NCKAP5: variants seen among roughly 807,000 people sequenced by gnomAD.
NCKAP5 encodes the protein NCK associated protein 5.
NCKAP5 carries 92 observed loss-of-function variants against 167.0 expected under a neutral mutation model. The ratio of observed to expected loss-of-function variants is 0.55; its 90% CI spans 0.47 to 0.66. The LOEUF (loss-of-function observed/expected upper bound fraction) is 0.66. Ranked by LOEUF, NCKAP5 falls within the 30% of genes least tolerant of loss-of-function variation. The probability of loss-of-function intolerance (pLI) is 0.00; values close to 1 mark genes in which losing one functional copy is unlikely to be tolerated. For synonymous variants in NCKAP5, 891 were observed against 877.4 expected (o/e 1.02, Z -0.27); for missense variants, 2,378 against 2,315.0 (o/e 1.03, Z -0.56).
the NCKAP5 span, among the ~76,000 whole-genome samples, chr2:133,618,865 T>C: frequency 7.3e-6 from 1 of 137,062 alleles, no homozygotes; most frequent in South Asian, 2.7e-4. Flanking sequence ...CGTATGTTTA[T>C]TGCGGCATTA....
intron 19 of NCKAP5, among the ~76,000 whole-genome samples, chr2:132,717,751 T>C (rs1402327226): frequency 2.0e-5 from 3 of 152,350 alleles, no homozygotes; most frequent in East Asian, 3.9e-4. Context: ...ATTTGTTGAA[T>C]GTAATCACCT....
In NCKAP5 at chr2:132,785,286, C is replaced by A. The variant is rs201204573; in HGVS notation, c.1525G>T (p.Asp509Tyr). 1.2e-6 allele frequency: 2 copies of A among 1,600,650 alleles called. No homozygotes were observed. Among genetic ancestry groups the A allele is most frequent in the Admixed American group, 1.7e-5 (1 of 58,790 alleles). Residue 509 changes from aspartate (D) to tyrosine (Y), a missense_variant, in exon 14 of 20, where the codon GAC becomes TAC. By Grantham distance (160) the Asp-to-Tyr change is radical (BLOSUM62 -3). Transcript: ENST00000409261. The stretch of plus-strand genomic sequence containing the variant: ...TTTGTCTCCCAGCCAAACAGACTGT[C>A]GGAAACACTGTGGGTTAATTTACTG... ...HGSKLTHSVS[D>Y]SLFGWETNRK...
At chr2:132,762,216 C>A (rs1376279292) in intron 16 of NCKAP5, among the ~76,000 whole-genome samples, 2 of 149,856 alleles carry the variant, frequency 1.3e-5, no homozygotes, top group Non-Finnish European at 3.0e-5. Flanking sequence ...CAGGCCAGTG[C>A]CCAGCATATA....
Position 133,252,489 on chromosome 2 carries a change from G to A in NCKAP5, c.144-38710C>T, listed in dbSNP as rs189065664. Among the ~76,000 whole-genome samples the A allele has an allele frequency of 1.8e-3, 268 of 152,258 alleles. 1 individual carries two copies. The highest frequency in any genetic ancestry group is 6.2e-3 in the African/African-American group (256 of 41,538). ...CTCATAGACATCCTACCATTGGCTG[G>A]AGCTGGGTCCCCTCAGCAGCACAGG... On this transcript the variant is annotated intron_variant, in intron 4 of 19. Transcript: ENST00000409261.
At chr2:133,287,671 T>C (rs932241039) in intron 4 of NCKAP5, among the ~76,000 whole-genome samples, 3 of 152,224 alleles carry the variant, frequency 2.0e-5, no homozygotes, top group Non-Finnish European at 4.4e-5. Context: ...GAAATAATTT[T>C]AGAGTTTTTA....
chr2:133,315,706 G>T (rs1321567638), intron 3 of NCKAP5, among the ~76,000 whole-genome samples: 1 of 152,080 alleles, frequency 6.6e-6, no homozygotes, highest in East Asian at 1.9e-4. Flanking sequence ...AGAAAGTAGT[G>T]TTAAATACAA....
In NCKAP5 at chr2:132,784,303, TG is replaced by T; in HGVS notation, c.2507del (p.Ser836TyrfsTer4). 2 of 1,613,898 alleles carry T rather than the reference TG, an allele frequency of 1.2e-6. No individual in the cohort carries two copies. The highest frequency in any genetic ancestry group is 1.7e-6 in the Non-Finnish European group (2 of 1,179,852). On this transcript the variant is annotated frameshift_variant, in exon 14 of 20. Coordinates refer to ENST00000409261, the MANE Select transcript of NCKAP5 (RefSeq NM_207363.3). LOFTEE classifies it high-confidence loss of function. ...PSSGLVTLEK[S>X]PALAPGKLSR... is the part of the protein sequence containing the mutation. ...AGAGTTTCCCAGGAGCTAAGGCTGG[TG>T]ATTTTTCAAGAGTCACCAGGCCAGA...
chr2:132,924,357 G>A (rs929343863), intron 8 of NCKAP5, among the ~76,000 whole-genome samples: 4 of 152,108 alleles, frequency 2.6e-5, no homozygotes, highest in South Asian at 2.1e-4. Context: ...TTGTTGCAAT[G>A]AGCCAGCCAG....
chr2:133,529,844 C>T (rs1319972083), intron 2 of NCKAP5, among the ~76,000 whole-genome samples: 1 of 152,090 alleles, frequency 6.6e-6, no homozygotes, highest in Non-Finnish European at 1.5e-5. Flanking sequence ...TCTGGATTGC[C>T]TACTTAAATT....
intron 7 of NCKAP5, among the ~76,000 whole-genome samples, chr2:132,993,846 C>T (rs72614502): frequency 0.052 from 7,964 of 152,284 alleles, 411 homozygotes; most frequent in East Asian, 0.31. Flanking sequence ...ATGTTGTACA[C>T]ACCTCTCTTT....
intron 16 of NCKAP5, among the ~76,000 whole-genome samples, chr2:132,763,690 C>A (rs1681203377): frequency 6.6e-6 from 1 of 152,220 alleles, no homozygotes; most frequent in South Asian, 2.1e-4. Context: ...TTCCGACAGA[C>A]AAAAGCCAAT....
chr2:133,022,194 A>C (rs1399520806), intron 6 of NCKAP5, among the ~76,000 whole-genome samples: 1 of 152,178 alleles, frequency 6.6e-6, no homozygotes, highest in Non-Finnish European at 1.5e-5. Context: ...ACTAGCCCCA[A>C]ATATATTCCT....
intron 6 of NCKAP5, among the ~76,000 whole-genome samples, chr2:133,043,866 GTT>G (rs60249951): frequency 3.8e-4 from 54 of 141,696 alleles, no homozygotes; most frequent in East Asian, 2.2e-3. Context: ...TTCTGTAATA[GTT>G]TTTTTTTTTT....
chr2:133,665,726 C>T, the NCKAP5 span, among the ~76,000 whole-genome samples: 2 of 152,162 alleles, frequency 1.3e-5, no homozygotes, highest in East Asian at 1.9e-4. Context: ...CCACAATATC[C>T]GCGACGTGCG....
chr2:133,493,427 G>A (rs1418644657), intron 3 of NCKAP5, among the ~76,000 whole-genome samples: 1 of 152,112 alleles, frequency 6.6e-6, no homozygotes, highest in African/African-American at 2.4e-5. Flanking sequence ...CATGACTTTG[G>A]CAAGCATATG....
chr2:132,767,477 C>T (rs1681607253), intron 16 of NCKAP5, among the ~76,000 whole-genome samples: 1 of 152,184 alleles, frequency 6.6e-6, no homozygotes, highest in South Asian at 2.1e-4. Flanking sequence ...AACTCCTGAC[C>T]TTAGGTTATC....
chr2:133,442,412 T>C (rs1377626989), intron 3 of NCKAP5, among the ~76,000 whole-genome samples: 1 of 152,200 alleles, frequency 6.6e-6, no homozygotes, highest in Non-Finnish European at 1.5e-5. Context: ...CTGTAGCTGT[T>C]GAAGCTGCCT....
intron 16 of NCKAP5, among the ~76,000 whole-genome samples, chr2:132,771,859 T>G (rs1280797000): frequency 2.8e-5 from 4 of 144,954 alleles, no homozygotes; most frequent in Non-Finnish European, 6.1e-5. Context: ...TTTTTTTTTT[T>G]TTTTTGTATT....
chr2:133,336,555 G>A, intron 3 of NCKAP5, among the ~76,000 whole-genome samples: 1 of 152,062 alleles, frequency 6.6e-6, no homozygotes, highest in East Asian at 1.9e-4. Flanking sequence ...GGAAGATGCA[G>A]GAAACCACAG....
Sources: allele counts gnomAD v4.1 joint callset (sites outside exome capture counted in the v4.1 genomes callset), GRCh38; gene constraint gnomAD v4.1.1; transcripts MANE v1.5; gene names NCBI Gene and HGNC (gene_info 2026-07-23, HGNC 2026-07-21).